Variants in WDPCP observed in about 807,000 individuals in gnomAD.
WDPCP encodes WD repeat containing planar cell polarity effector.
Under a neutral mutation model 93.1 loss-of-function variants are expected in WDPCP, and 71 were observed. The ratio of observed to expected loss-of-function variants is 0.76; its 90% CI spans 0.63 to 0.93. WDPCP has a LOEUF of 0.93. WDPCP is among the 40% of genes least tolerant of loss of function. The pLI is 0.00. For synonymous variants in WDPCP, 315 were observed against 315.0 expected, an observed-to-expected ratio of 1.00 and a Z score of 0.00; for missense variants, 844 against 887.4, an observed-to-expected ratio of 0.95 and a Z score of 0.62.
At chr2:63,714,600 C>T (rs113487450) in intron 2 of WDPCP, among the ~76,000 whole-genome samples, 2,540 of 152,140 alleles carry the variant, frequency 0.017, 22 homozygotes, top group African/African-American at 0.017. Context: ...GAGGCCGAGG[C>T]GGGCGGATCA....
chr2:63,184,852 C>T (rs1674503683), intron 14 of WDPCP, among the ~76,000 whole-genome samples: 1 of 152,006 alleles, frequency 6.6e-6, no homozygotes, highest in Non-Finnish European at 1.5e-5. Flanking sequence ...ACCAATGATT[C>T]GTAAGTTTAG....
chr2:63,831,733 G>A (rs1671204485), upstream of WDPCP, among the ~76,000 whole-genome samples: 2 of 151,832 alleles, frequency 1.3e-5, no homozygotes, highest in African/African-American at 4.8e-5. Flanking sequence ...TTTAAATCAT[G>A]GGTAAAAATA....
intron 2 of WDPCP, among the ~76,000 whole-genome samples, chr2:63,676,055 C>T (rs1297871112): frequency 6.6e-6 from 1 of 152,094 alleles, no homozygotes; most frequent in Non-Finnish European, 1.5e-5. Context: ...AGATAGAGTT[C>T]TATCTTTGGC....
chr2:63,204,701 TG>T (rs1221224296), intron 14 of WDPCP, among the ~76,000 whole-genome samples: 8 of 152,268 alleles, frequency 5.3e-5, no homozygotes, highest in East Asian at 1.9e-4. Flanking sequence ...GATTATTACA[TG>T]TTTTTTTTCA....
intron 14 of WDPCP, among the ~76,000 whole-genome samples, chr2:63,248,152 G>T (rs1044923290): frequency 6.6e-6 from 1 of 151,804 alleles, no homozygotes; most frequent in African/African-American, 2.4e-5. Context: ...TTTAATTCAG[G>T]TTGATAATAA....
chr2:63,243,257 T>G (rs777268083), intron 14 of WDPCP, among the ~76,000 whole-genome samples: 5 of 152,188 alleles, frequency 3.3e-5, no homozygotes, highest in Admixed American at 6.6e-5. Context: ...AGTGTCTCAT[T>G]GTGGTTTTGA....
At chr2:63,327,754 T>C (rs554525039) in intron 12 of WDPCP, among the ~76,000 whole-genome samples, 5 of 152,322 alleles carry the variant, frequency 3.3e-5, no homozygotes, top group Admixed American at 3.3e-4. Flanking sequence ...GCCATCTTAT[T>C]ATTACTTGCC....
chr2:63,599,483 AC>A, intron 3 of WDPCP: 1 of 451,986 alleles, frequency 2.2e-6, no homozygotes, highest in Non-Finnish European at 3.7e-6. Context: ...CTCTTAAAGG[AC>A]CAGAGGCTGG....
At chr2:63,220,779 G>T (rs758681291) in intron 14 of WDPCP, among the ~76,000 whole-genome samples, 19 of 152,100 alleles carry the variant, frequency 1.2e-4, no homozygotes, top group Non-Finnish European at 2.1e-4. Context: ...CATGTGCCAT[G>T]GTGGTTTGCC....
chr2:63,338,564 AAAAAAATAT>A (rs1688594195), intron 12 of WDPCP, among the ~76,000 whole-genome samples: 3 of 23,346 alleles, frequency 1.3e-4, no homozygotes, highest in Admixed American at 1.2e-3. Context: ...AAAAAAAAAA[AAAAAAATAT>A]ATATATATAT....
intron 10 of WDPCP, among the ~76,000 whole-genome samples, chr2:63,382,796 G>A (rs939863422): frequency 7.2e-5 from 11 of 152,018 alleles, no homozygotes; most frequent in Non-Finnish European, 1.3e-4. Context: ...CTATTAACAG[G>A]ACTCAACTTG....
In WDPCP at chr2:63,164,783, G is replaced by C. The variant is rs532866532; in HGVS notation, c.2078+9887C>G. On this transcript the variant is annotated intron_variant, in intron 15 of 17. Coordinates refer to ENST00000272321, the MANE Select transcript of WDPCP (RefSeq NM_015910.7). ...CACAAAGGAGCAAGAGAGAGGAATGGAGCAATACAGGAGCAAAGTTTTTAT... is the reference window on the plus strand; with the variant it reads ...CACAAAGGAGCAAGAGAGAGGAATGCAGCAATACAGGAGCAAAGTTTTTAT... Among the ~76,000 whole-genome samples, 5 of 152,242 alleles carry C rather than the reference G, an allele frequency of 3.3e-5. No individual in the cohort carries two copies. The South Asian group carries it at 1.0e-3, about 32-fold the overall frequency.
intron 1 of WDPCP, among the ~76,000 whole-genome samples, chr2:63,573,144 C>A (rs1430914334): frequency 1.3e-5 from 2 of 151,624 alleles, no homozygotes; most frequent in Non-Finnish European, 2.9e-5. Flanking sequence ...ACTCAAGAGA[C>A]TGAGACCAGG....
chr2:63,215,719 T>C (rs1206225439), intron 14 of WDPCP, among the ~76,000 whole-genome samples: 1 of 152,156 alleles, frequency 6.6e-6, no homozygotes, highest in African/African-American at 2.4e-5. Context: ...TGGGATCTAA[T>C]TAAACTAAAG....
At chr2:63,697,976 T>C (rs1211576342) in intron 2 of WDPCP, among the ~76,000 whole-genome samples, 2 of 129,336 alleles carry the variant, frequency 1.5e-5, no homozygotes, top group East Asian at 4.7e-4. Flanking sequence ...TAAGATAGAG[T>C]CTCGCTCTGT....
chr2:63,152,876 A>AT, intron 17 of WDPCP, 38 bp downstream of exon 17: 1 of 1,591,394 alleles, frequency 6.3e-7, no homozygotes, highest in South Asian at 1.1e-5. Context: ...TTCTCTTAGA[A>AT]TTTAAATGTC....
chr2:63,271,099 C>T (rs187175991), intron 13 of WDPCP, among the ~76,000 whole-genome samples: 52 of 152,330 alleles, frequency 3.4e-4, no homozygotes, highest in Admixed American at 3.3e-3. Flanking sequence ...ACATACTGTC[C>T]TGCACCTGGG....
chr2:63,292,505 A>G (rs566676962), intron 13 of WDPCP, among the ~76,000 whole-genome samples: 1 of 152,300 alleles, frequency 6.6e-6, no homozygotes. Flanking sequence ...GAATTCTAGT[A>G]TTTCTCAGAA....
intron 14 of WDPCP, among the ~76,000 whole-genome samples, chr2:63,212,632 G>C (rs1306912393): frequency 6.6e-6 from 1 of 152,110 alleles, no homozygotes; most frequent in Non-Finnish European, 1.5e-5. Context: ...AACCTTACAT[G>C]TAAATGGACT....
Sources: allele counts gnomAD v4.1 joint callset (sites outside exome capture counted in the v4.1 genomes callset), GRCh38; gene constraint gnomAD v4.1.1; transcripts MANE v1.5; gene names NCBI Gene and HGNC (gene_info 2026-07-23, HGNC 2026-07-21).